The following RIC8B variants were observed in gnomAD, a reference collection of about 807,000 sequenced individuals.
The protein encoded by RIC8B is chaperone Ric-8B.
In RIC8B, 16 loss-of-function variants were observed where a neutral mutation model predicts 57.5. The ratio of observed to expected loss-of-function variants is 0.28; its 90% confidence interval spans 0.19 to 0.42. The LOEUF (loss-of-function observed/expected upper bound fraction) is 0.42. Among genes scored for constraint, RIC8B ranks in the 10% least tolerant of loss-of-function variants. RIC8B has a pLI of 1.00. For missense variants in RIC8B, 481 were observed against 677.0 expected (o/e 0.71, Z 3.21); for synonymous variants, 216 against 250.8 (o/e 0.86, Z 1.31).
At chr12:106,845,822 T>C (rs532355213) in intron 6 of RIC8B, among the ~76,000 whole-genome samples, 51 of 152,324 alleles carry the variant, frequency 3.3e-4, no homozygotes, top group Middle Eastern at 3.4e-3. Context: ...TCCGCCCCAC[T>C]GCAAAGGTGT....
chr12:106,794,821 T>A (rs2044405616), intron 2 of RIC8B, among the ~76,000 whole-genome samples: 1 of 152,200 alleles, frequency 6.6e-6, no homozygotes. Flanking sequence ...GTACTTTGAA[T>A]CCACGTGAAG....
At position 106,842,564 on chromosome 12, in the gene RIC8B, T is replaced by C. The variant is rs1176527292; in HGVS notation, c.837-25T>C. 1.9e-6 allele frequency: 3 copies of C among 1,552,036 alleles called. No homozygotes were observed. In the South Asian group the frequency reaches 3.4e-5, roughly 17 times the overall value. ...AGGACTATTCAATCAAGTTAAAATA[T>C]TGTATTTTTTTAATTGCTTTTCAGC... On this transcript the variant is annotated intron_variant, in intron 4 of 9. Coordinates refer to ENST00000392837, the MANE Select transcript of RIC8B (RefSeq NM_001330145.2).
chr12:106,851,009 GATAAGGT>G (rs1478134611), intron 6 of RIC8B, among the ~76,000 whole-genome samples: 1 of 152,100 alleles, frequency 6.6e-6, no homozygotes, highest in Non-Finnish European at 1.5e-5. Context: ...AAGCATTTTG[GATAAGGT>G]ATACTCAACC....
At chr12:106,826,245 T>A (rs2136333107) in intron 4 of RIC8B, among the ~76,000 whole-genome samples, 1 of 152,350 alleles carries the variant, frequency 6.6e-6, no homozygotes, top group Non-Finnish European at 1.5e-5. Context: ...TTGAGGAAAC[T>A]GATGCATAGA....
chr12:106,813,507 T>C (rs1203686318), intron 2 of RIC8B, among the ~76,000 whole-genome samples: 2 of 152,066 alleles, frequency 1.3e-5, no homozygotes, highest in Non-Finnish European at 2.9e-5. Flanking sequence ...CCATTTTATA[T>C]AAGAGACTTG....
At chr12:106,775,513 A>G (rs1321720547) in intron 1 of RIC8B, 3 of 352,468 alleles carry the variant, frequency 8.5e-6, no homozygotes, top group Non-Finnish European at 1.7e-5. Flanking sequence ...ATTTAATCTT[A>G]CAGCAATCCT....
chr12:106,846,205 A>G (rs919639729), intron 6 of RIC8B, among the ~76,000 whole-genome samples: 7 of 152,206 alleles, frequency 4.6e-5, no homozygotes, highest in African/African-American at 1.7e-4. Flanking sequence ...TTGGATGTAT[A>G]GTAGGTATCT....
At position 106,888,713 on chromosome 12, in the gene RIC8B, G is replaced by A. The variant is rs1031972500; in HGVS notation, c.*2698G>A. ...TGGGAAACTTGCATGGTCAGCACTG[G>A]ATTTCCAATGAAGACCTGGAATCCG... On this transcript the variant is annotated 3_prime_UTR_variant, in exon 10 of 10. Coordinates refer to ENST00000392837, the MANE Select transcript of RIC8B (RefSeq NM_001330145.2). 6.6e-6 allele frequency: 1 copy of A among 152,638 alleles called. No homozygotes were observed. Among genetic ancestry groups the A allele is most frequent in the Admixed American group, 6.5e-5 (1 of 15,284 alleles). The allele number at this position is 152,638 out of a possible 1,614,324, so 9.5% of individuals were successfully genotyped here. A position where few individuals can be genotyped will look rare whatever the true frequency, so the allele number is the denominator to read the frequency against.
chr12:106,805,873 A>G (rs1189022875), intron 2 of RIC8B, among the ~76,000 whole-genome samples: 1 of 152,166 alleles, frequency 6.6e-6, no homozygotes, highest in East Asian at 1.9e-4. Flanking sequence ...TTACAGCAAC[A>G]TCTTGAAAGG....
chr12:106,795,289 T>C (rs1302701751), intron 2 of RIC8B, among the ~76,000 whole-genome samples: 1 of 152,132 alleles, frequency 6.6e-6, no homozygotes, highest in East Asian at 1.9e-4. Context: ...CTGGGGTAAA[T>C]ACCCGTGGTT....
Position 106,871,471 on chromosome 12 carries a change from T to TAAAAAAAAA in RIC8B, c.1571+548_1571+556dup, listed in dbSNP as rs1387727022. 6.1e-4 allele frequency: 19 copies of TAAAAAAAAA among 30,912 alleles called. 2 individuals carry two copies. The highest frequency in any genetic ancestry group is 5.0e-3 in the South Asian group (3 of 602). 1.9% of individuals were successfully genotyped at this position (30,912 alleles called of 1,614,324 possible). ...AGGGACTTGTATTAATTAGGAGTTC[T>TAAAAAAAAA]AAAAAAAAAAAAAAAAAAAAAAAAA... On this transcript the variant is annotated intron_variant, in intron 9 of 9. Coordinates refer to ENST00000392837, the MANE Select transcript of RIC8B (RefSeq NM_001330145.2).
intron 2 of RIC8B, among the ~76,000 whole-genome samples, chr12:106,803,214 TCA>T (rs1491506459): frequency 7.1e-5 from 6 of 84,272 alleles, no homozygotes; most frequent in African/African-American, 2.5e-4. Flanking sequence ...ATACCCTGTC[TCA>T]AAAAAAAAAA....
chr12:106,782,546 G>T (rs980358348), intron 1 of RIC8B, among the ~76,000 whole-genome samples: 3 of 152,070 alleles, frequency 2.0e-5, no homozygotes, highest in African/African-American at 7.2e-5. Flanking sequence ...TCTTCCCCTG[G>T]TTGCCTGTCA....
intron 4 of RIC8B, among the ~76,000 whole-genome samples, chr12:106,837,092 A>C: frequency 6.6e-6 from 1 of 152,218 alleles, no homozygotes; most frequent in Non-Finnish European, 1.5e-5. Context: ...GGCCGGGCGC[A>C]GTGGCGCACA....
chr12:106,801,455 C>T (rs2044727633), intron 2 of RIC8B, among the ~76,000 whole-genome samples: 1 of 152,012 alleles, frequency 6.6e-6, no homozygotes, highest in Non-Finnish European at 1.5e-5. Context: ...TATAACATAA[C>T]ATTGATTGTG....
chr12:106,817,798 C>G (rs2045644423), intron 3 of RIC8B, among the ~76,000 whole-genome samples: 1 of 141,164 alleles, frequency 7.1e-6, no homozygotes, highest in Non-Finnish European at 1.5e-5. Flanking sequence ...GCACTCCAGC[C>G]TGGGAGACAG....
chr12:106,838,763 G>A (rs1053810537), intron 4 of RIC8B, among the ~76,000 whole-genome samples: 8 of 151,896 alleles, frequency 5.3e-5, no homozygotes, highest in African/African-American at 1.9e-4. Flanking sequence ...ATGGGAGAAA[G>A]TATTTTCAAT....
chr12:106,843,744 A>T, intron 5 of RIC8B, 108 bp from the exon 6 acceptor site: 6 of 596,546 alleles, frequency 1.0e-5, no homozygotes, highest in African/African-American at 1.9e-5. Context: ...AAAAAAAAAA[A>T]GTCCCCACCT....
At chr12:106,778,037 G>A (rs549236801) in intron 1 of RIC8B, among the ~76,000 whole-genome samples, 4 of 152,306 alleles carry the variant, frequency 2.6e-5, no homozygotes, top group African/African-American at 9.6e-5. Context: ...TAGATTTGTT[G>A]TCAGGATTAA....
Sources: allele counts gnomAD v4.1 joint callset (sites outside exome capture counted in the v4.1 genomes callset), GRCh38; gene constraint gnomAD v4.1.1; transcripts MANE v1.5; gene names NCBI Gene and HGNC (gene_info 2026-07-23, HGNC 2026-07-21).